TTC28: variants seen among roughly 807,000 people sequenced by gnomAD.
The protein encoded by TTC28 is tetratricopeptide repeat domain 28.
Under a neutral mutation model 198.0 loss-of-function variants are expected in TTC28, and 61 were observed. The ratio of observed to expected loss-of-function variants is 0.31; its 90% confidence interval spans 0.25 to 0.38. The LOEUF is 0.38. TTC28 is among the 10% of genes least tolerant of loss of function. The pLI is 1.00. For synonymous variants in TTC28, 1,171 were observed against 1,297.8 expected, an observed-to-expected ratio of 0.90 and a Z score of 2.10; for missense variants, 2,678 against 3,164.0, an observed-to-expected ratio of 0.85 and a Z score of 3.69.
chr22:28,117,164 C>T (rs1459648803), intron 6 of TTC28, among the ~76,000 whole-genome samples: 1 of 152,190 alleles, frequency 6.6e-6, no homozygotes, highest in Non-Finnish European at 1.5e-5. Context: ...GTTCTCTCTT[C>T]CTCTGTCTCA....
chr22:28,396,748 A>T (rs2046824845), intron 2 of TTC28, among the ~76,000 whole-genome samples: 1 of 152,230 alleles, frequency 6.6e-6, no homozygotes, highest in South Asian at 2.1e-4. Context: ...TCTCCAATAG[A>T]GACACTATAA....
chr22:28,392,233 T>C (rs2046736521), intron 2 of TTC28, among the ~76,000 whole-genome samples: 1 of 152,226 alleles, frequency 6.6e-6, no homozygotes, highest in African/African-American at 2.4e-5. Flanking sequence ...GGAGAACCAC[T>C]GCTCTCTTCA....
intron 5 of TTC28, among the ~76,000 whole-genome samples, chr22:28,247,621 C>T (rs1265542244): frequency 6.6e-6 from 1 of 152,150 alleles, no homozygotes; most frequent in East Asian, 1.9e-4. Context: ...CAAGCCCAGA[C>T]TGGGGGAAGA....
At chr22:28,188,230 A>G (rs1391377733) in intron 5 of TTC28, among the ~76,000 whole-genome samples, 1 of 152,228 alleles carries the variant, frequency 6.6e-6, no homozygotes, top group Admixed American at 6.5e-5. Flanking sequence ...CTATAAGCCC[A>G]TAAAAACAAA....
intron 1 of TTC28, among the ~76,000 whole-genome samples, chr22:28,670,845 C>T (rs1315355949): frequency 6.6e-6 from 1 of 151,982 alleles, no homozygotes; most frequent in Non-Finnish European, 1.5e-5. Context: ...TCCAATTTCT[C>T]CACATCCTCA....
chr22:28,586,613 A>G (rs904967213), intron 2 of TTC28, among the ~76,000 whole-genome samples: 1 of 152,136 alleles, frequency 6.6e-6, no homozygotes, highest in Non-Finnish European at 1.5e-5. Context: ...TAAGAGGATG[A>G]AAAGGAAAAG....
chr22:28,598,105 TCA>T (rs1216545773), intron 2 of TTC28, among the ~76,000 whole-genome samples: 2 of 152,112 alleles, frequency 1.3e-5, no homozygotes, highest in Admixed American at 1.3e-4. Context: ...CCTCCAGATC[TCA>T]GTTTTCTTGA....
chr22:28,357,364 G>A (rs118101867), intron 2 of TTC28, among the ~76,000 whole-genome samples: 2 of 142,590 alleles, frequency 1.4e-5, no homozygotes, highest in East Asian at 4.2e-4. Flanking sequence ...AGCAAGGGGT[G>A]GAGTACAGTG....
chr22:28,377,806 AT>A (rs1380769193), intron 2 of TTC28, among the ~76,000 whole-genome samples: 2 of 152,222 alleles, frequency 1.3e-5, no homozygotes, highest in African/African-American at 2.4e-5. Context: ...AAAATTCACA[AT>A]GTCTGGCAGG....
intron 2 of TTC28, among the ~76,000 whole-genome samples, chr22:28,580,504 C>T (rs1365514952): frequency 6.6e-6 from 1 of 152,142 alleles, no homozygotes; most frequent in East Asian, 1.9e-4. Context: ...TCCCAAAGTG[C>T]AGGGATTACA....
chr22:28,438,807 G>A (rs192886623), intron 2 of TTC28, among the ~76,000 whole-genome samples: 5 of 152,254 alleles, frequency 3.3e-5, no homozygotes, highest in Admixed American at 6.5e-5. Flanking sequence ...AGGTAAAAAC[G>A]GGAAAGTATA....
At chr22:28,096,474 G>A in intron 10 of TTC28, 66 bp from the exon 11 acceptor site, 2 of 1,510,058 alleles carry the variant, frequency 1.3e-6, no homozygotes, top group Non-Finnish European at 1.8e-6. Flanking sequence ...GGCCTATCAG[G>A]GACGGCCATC....
chr22:28,512,468 A>C (rs368383875), intron 2 of TTC28, among the ~76,000 whole-genome samples: 1 of 152,332 alleles, frequency 6.6e-6, no homozygotes, highest in East Asian at 1.9e-4. Flanking sequence ...ATAAAGATAC[A>C]TGTATGTATA....
intron 2 of TTC28, among the ~76,000 whole-genome samples, chr22:28,394,594 G>A (rs752041500): frequency 9.9e-5 from 15 of 152,102 alleles, no homozygotes; most frequent in East Asian, 1.9e-4. Flanking sequence ...AACAACATCC[G>A]TATGACTGTC....
At chr22:28,412,747 GTTTGTGTA>G (rs2047101894) in intron 2 of TTC28, among the ~76,000 whole-genome samples, 1 of 152,156 alleles carries the variant, frequency 6.6e-6, no homozygotes, top group South Asian at 2.1e-4. Context: ...TTTTTATGTA[GTTTGTGTA>G]TTTAGGCATG....
chr22:28,390,272 C>T (rs1350736538), intron 2 of TTC28, among the ~76,000 whole-genome samples: 1 of 151,850 alleles, frequency 6.6e-6, no homozygotes, highest in African/African-American at 2.4e-5. Flanking sequence ...AGTATGTGGT[C>T]AATTTTGGAA....
intron 2 of TTC28, among the ~76,000 whole-genome samples, chr22:28,478,282 C>T (rs1293169197): frequency 6.6e-6 from 1 of 152,066 alleles, no homozygotes; most frequent in East Asian, 1.9e-4. Context: ...CCGAGGCAAG[C>T]GGATCACCTG....
intron 2 of TTC28, among the ~76,000 whole-genome samples, chr22:28,569,057 G>A (rs1248163498): frequency 6.6e-6 from 1 of 151,934 alleles, no homozygotes; most frequent in Non-Finnish European, 1.5e-5. Context: ...TGAGGCAGGA[G>A]AATCACTTGA....
intron 12 of TTC28, 151 bp downstream of exon 12, chr22:28,093,929 A>T: frequency 1.3e-6 from 1 of 778,596 alleles, no homozygotes; most frequent in Non-Finnish European, 2.0e-6. Flanking sequence ...CCAGAGACAC[A>T]TATTTGTTTC....
Sources: gnomAD v4.1 joint callset for allele counts (sites outside exome capture counted in the v4.1 genomes callset) on GRCh38, gnomAD v4.1.1 for gene constraint, MANE v1.5 for transcripts, NCBI Gene and HGNC (gene_info 2026-07-23, HGNC 2026-07-21) for gene names.